The following RYR3 variants were observed in gnomAD, a reference collection of about 807,000 sequenced individuals.
RYR3 encodes brain ryanodine receptor-calcium release channel.
RYR3 carries 207 observed loss-of-function variants against 584.3 expected under a neutral mutation model. The observed-to-expected ratio is 0.35, with a 90% CI of 0.32 to 0.40. RYR3 has a LOEUF of 0.40. RYR3 is among the 10% of genes least tolerant of loss of function. The probability of loss-of-function intolerance (pLI) is 1.00; values close to 1 mark genes in which losing one functional copy is unlikely to be tolerated. For synonymous variants in RYR3, 2,416 were observed against 2,248.5 expected (o/e 1.07, Z -2.11); for missense variants, 5,616 against 6,089.2 (o/e 0.92, Z 2.59).
chr15:33,847,948 A>C (rs1011613010), intron 93 of RYR3, among the ~76,000 whole-genome samples: 2 of 151,960 alleles, frequency 1.3e-5, no homozygotes, highest in African/African-American at 4.8e-5. Context: ...TCTTGGTTCA[A>C]CTCCAGCCGA....
chr15:33,649,207 G>A lies in RYR3; in HGVS notation c.4114G>A (p.Gly1372Arg). 1.2e-6 allele frequency: 2 copies of A among 1,613,420 alleles called. No individual in the cohort carries two copies. The highest frequency in any genetic ancestry group is 1.7e-6 in the Non-Finnish European group (2 of 1,179,798). Residue 1372 changes from glycine (G) to arginine (R), a missense_variant, in exon 31 of 104, where the codon GGG (glycine) becomes AGG (arginine). By Grantham distance (125) the Gly-to-Arg change is moderately radical (BLOSUM62 -2). Around this residue, in one of 9 missense-constraint regions of RYR3, gnomAD observed 753 missense variants for 741.0 expected, o/e 1.02. Transcript: ENST00000634891. ...NKNCTVTVTL[G>R]DERGRVHESV... Reference sequence around the variant, plus strand: ...AAACTGCACAGTGACTGTCACCCTAGGGGATGAAAGAGGCCGGGTCCATGA... The same window carrying A: ...AAACTGCACAGTGACTGTCACCCTAAGGGATGAAAGAGGCCGGGTCCATGA...
chr15:33,316,760 T>C (rs1200535065), intron 1 of RYR3, among the ~76,000 whole-genome samples: 1 of 152,242 alleles, frequency 6.6e-6, no homozygotes, highest in Non-Finnish European at 1.5e-5. Context: ...TAGGATATTA[T>C]CATTGTGTCT....
chr15:33,361,037 A>T (rs775591289), intron 1 of RYR3, among the ~76,000 whole-genome samples: 1 of 152,134 alleles, frequency 6.6e-6, no homozygotes, highest in Non-Finnish European at 1.5e-5. Context: ...TGCAGCTCCT[A>T]TTCTGATTGG....
chr15:33,526,597 T>C (rs1318629509), intron 3 of RYR3, among the ~76,000 whole-genome samples: 2 of 152,074 alleles, frequency 1.3e-5, no homozygotes, highest in Non-Finnish European at 2.9e-5. Flanking sequence ...TCCAAACACG[T>C]TGCTGACAAG....
At chr15:33,835,389 TACAA>T (rs1337981629) in intron 87 of RYR3, among the ~76,000 whole-genome samples, 19 of 152,250 alleles carry the variant, frequency 1.2e-4, no homozygotes, top group Admixed American at 1.2e-3. Context: ...TTCGTCAACT[TACAA>T]ACACTCTACC....
chr15:33,348,094 C>T (rs1972704767), intron 1 of RYR3, among the ~76,000 whole-genome samples: 1 of 152,196 alleles, frequency 6.6e-6, no homozygotes, highest in Non-Finnish European at 1.5e-5. Flanking sequence ...TTGATATCTT[C>T]AACTCTATAC....
chr15:33,597,471 C>T (rs2059430943), intron 16 of RYR3, among the ~76,000 whole-genome samples: 1 of 152,024 alleles, frequency 6.6e-6, no homozygotes, highest in Admixed American at 6.6e-5. Flanking sequence ...AAAAAATTAG[C>T]TGGGTTGTGG....
At chr15:33,601,353 T>G in intron 16 of RYR3, 66 bp from the exon 17 acceptor site, 5 of 1,540,206 alleles carry the variant, frequency 3.2e-6, no homozygotes, top group Non-Finnish European at 4.4e-6. Context: ...CCTCATGCAT[T>G]GTGGTGGTCC....
At chr15:33,450,111 A>AAAAAAAAT (rs2047002038) in intron 1 of RYR3, among the ~76,000 whole-genome samples, 1 of 149,642 alleles carries the variant, frequency 6.7e-6, no homozygotes, top group Non-Finnish European at 1.5e-5. Context: ...AAAAAAAAAA[A>AAAAAAAAT]GCCGGCAACT....
At chr15:33,564,948 T>C (rs1290056146) in intron 11 of RYR3, among the ~76,000 whole-genome samples, 25 of 152,242 alleles carry the variant, frequency 1.6e-4, no homozygotes, top group Admixed American at 1.6e-3. Flanking sequence ...AAATCTGTTA[T>C]GTTTTATGAA....
Position 33,586,105 on chromosome 15 carries a change from C to A in RYR3, c.1777C>A (p.Arg593=). The stretch of plus-strand genomic sequence containing the variant: ...CATCTCCCTGTTGGATAAGCACGGG[C>A]GGAATCACAAGGTAGGTGTGGAAAG... ...SIISLLDKHG[R]NHKVLDILCS... The change falls in exon 16 of 104, where the codon CGG becomes AGG. Residue 593 remains arginine (R), a synonymous_variant. Transcript: ENST00000634891. The A allele has an allele frequency of 6.2e-7, 1 of 1,601,442 alleles. No homozygotes were observed. Among genetic ancestry groups the A allele is most frequent in the South Asian group, 1.1e-5 (1 of 90,828 alleles).
At chr15:33,399,563 G>C (rs1878302) in intron 1 of RYR3, among the ~76,000 whole-genome samples, 5 of 151,998 alleles carry the variant, frequency 3.3e-5, no homozygotes, top group Non-Finnish European at 5.9e-5. Flanking sequence ...ACTTGAACCC[G>C]AGAAGCGGAG....
intron 13 of RYR3, 100 bp downstream of exon 13, chr15:33,580,244 T>C: frequency 1.0e-6 from 1 of 969,098 alleles, no homozygotes; most frequent in Middle Eastern, 2.5e-4. Context: ...CACGTGTTTA[T>C]GAGAGAGCCA....
chr15:33,644,446 G>A lies in RYR3; in HGVS notation c.3692G>A (p.Arg1231Lys). The change falls in exon 28 of 104, where the codon AGA (arginine) becomes AAA (lysine). Residue 1231 changes from arginine (R) to lysine (K), a missense_variant. Arg to Lys is a conservative substitution (Grantham distance 26). This residue lies in a region of RYR3 where 152 missense variants were observed against 200.9 expected (regional missense o/e 0.76). Transcript: ENST00000634891. The stretch of plus-strand genomic sequence containing the variant: ...GAGCCTTTTGCTGTCAACATGAACA[G>A]AGATGTTGCTATGTGGTTCAGCAAG... Reference protein sequence around the residue: ...GFEPFAVNMNRDVAMWFSKRL... With the variant: ...GFEPFAVNMNKDVAMWFSKRL... 6.2e-7 allele frequency: 1 copy of A among 1,613,828 alleles called. No homozygotes were observed. Among genetic ancestry groups the A allele is most frequent in the East Asian group, 2.2e-5 (1 of 44,896 alleles).
intron 46 of RYR3, among the ~76,000 whole-genome samples, chr15:33,727,898 C>T (rs1166372504): frequency 1.3e-5 from 2 of 152,156 alleles, no homozygotes; most frequent in African/African-American, 2.4e-5. Context: ...CTTTATTCTC[C>T]AGCTCAAGCA....
At chr15:33,413,404 T>A (rs142126460) in intron 1 of RYR3, among the ~76,000 whole-genome samples, 2 of 152,224 alleles carry the variant, frequency 1.3e-5, no homozygotes, top group Non-Finnish European at 2.9e-5. Flanking sequence ...CAATTCCTAG[T>A]GGAAGCGTCA....
intron 60 of RYR3, among the ~76,000 whole-genome samples, chr15:33,758,948 G>C (rs2072150695): frequency 6.6e-6 from 1 of 152,200 alleles, no homozygotes; most frequent in East Asian, 1.9e-4. Flanking sequence ...AGAGGAAGGA[G>C]AAAGCAGCAA....
chr15:33,399,611 C>G (rs997425095), intron 1 of RYR3, among the ~76,000 whole-genome samples: 4 of 152,084 alleles, frequency 2.6e-5, no homozygotes, highest in African/African-American at 9.7e-5. Flanking sequence ...GCACTCCAGC[C>G]TGGGCGACAG....
intron 97 of RYR3, 111 bp downstream of exon 97, chr15:33,854,560 C>A: frequency 1.8e-6 from 2 of 1,082,528 alleles, no homozygotes; most frequent in Non-Finnish European, 2.7e-6. Flanking sequence ...TATCAAAGAC[C>A]AAGAGCCTTA....
Sources: gnomAD v4.1 joint callset for allele counts (sites outside exome capture counted in the v4.1 genomes callset) on GRCh38, gnomAD v4.1.1 for gene constraint, gnomAD v4.1.1 regional missense constraint, MANE v1.5 for transcripts, NCBI Gene and HGNC (gene_info 2026-07-23, HGNC 2026-07-21) for gene names.